Variants in LRRTM4 observed in about 807,000 individuals in gnomAD.
LRRTM4 encodes leucine rich repeat transmembrane neuronal 4.
LRRTM4 carries 25 observed loss-of-function variants against 47.6 expected under a neutral mutation model. The ratio of observed to expected loss-of-function variants is 0.53; its 90% confidence interval spans 0.38 to 0.73. LRRTM4 has a LOEUF of 0.73. Ranked by LOEUF, LRRTM4 falls within the 30% of genes least tolerant of loss-of-function variation. LRRTM4 has a pLI of 0.00. For missense variants in LRRTM4, 638 were observed against 713.4 expected (o/e 0.89, Z 1.20); for synonymous variants, 311 against 269.5 (o/e 1.15, Z -1.51).
intron 3 of LRRTM4, among the ~76,000 whole-genome samples, chr2:77,185,033 T>A (rs751934475): frequency 6.6e-6 from 1 of 152,156 alleles, no homozygotes; most frequent in Non-Finnish European, 1.5e-5. Flanking sequence ...CAGCCAGGAA[T>A]GAAAATCATG....
intron 3 of LRRTM4, among the ~76,000 whole-genome samples, chr2:76,770,191 T>A (rs1456733927): frequency 6.6e-6 from 1 of 152,216 alleles, no homozygotes; most frequent in Admixed American, 6.5e-5. Flanking sequence ...CAATGCCAAG[T>A]TTTAAAGGAT....
At chr2:76,784,582 A>G (rs934107870) in intron 3 of LRRTM4, among the ~76,000 whole-genome samples, 6 of 152,112 alleles carry the variant, frequency 3.9e-5, no homozygotes, top group African/African-American at 1.2e-4. Flanking sequence ...TTTTCAAACT[A>G]AAGTATCCTA....
chr2:77,400,967 A>C, intron 3 of LRRTM4, among the ~76,000 whole-genome samples: 1 of 151,984 alleles, frequency 6.6e-6, no homozygotes, highest in East Asian at 1.9e-4. Flanking sequence ...AGCGTCTATA[A>C]GTAAAATTTT....
intron 3 of LRRTM4, among the ~76,000 whole-genome samples, chr2:76,960,301 A>C (rs991888664): frequency 4.6e-5 from 7 of 151,552 alleles, no homozygotes; most frequent in African/African-American, 1.7e-4. Context: ...TTTGCACAGA[A>C]AACATAAAAC....
intron 3 of LRRTM4, among the ~76,000 whole-genome samples, chr2:76,893,478 T>G (rs541611838): frequency 6.6e-6 from 1 of 151,786 alleles, no homozygotes; most frequent in Admixed American, 6.6e-5. Flanking sequence ...CAAATGGCTC[T>G]AAATACAGAT....
intron 3 of LRRTM4, among the ~76,000 whole-genome samples, chr2:76,838,161 T>C (rs181862452): frequency 6.6e-6 from 1 of 151,970 alleles, no homozygotes; most frequent in Non-Finnish European, 1.5e-5. Flanking sequence ...ACTATTTATA[T>C]AAACAAGTCT....
intron 3 of LRRTM4, among the ~76,000 whole-genome samples, chr2:77,122,501 T>TAC (rs955476482): frequency 1.3e-5 from 2 of 149,948 alleles, no homozygotes; most frequent in African/African-American, 4.9e-5. Context: ...ATACTATATA[T>TAC]ACACACACAT....
chr2:77,391,663 G>A (rs1308619124), intron 3 of LRRTM4, among the ~76,000 whole-genome samples: 1 of 151,856 alleles, frequency 6.6e-6, no homozygotes, highest in East Asian at 2.0e-4. Context: ...CAACCCAAAT[G>A]TCCATTGCAA....
chr2:77,017,255 C>G (rs771380467), intron 3 of LRRTM4, among the ~76,000 whole-genome samples: 46 of 152,124 alleles, frequency 3.0e-4, no homozygotes, highest in Non-Finnish European at 8.8e-5. Context: ...CATCTTATCA[C>G]TTTAAGTAAT....
intron 3 of LRRTM4, among the ~76,000 whole-genome samples, chr2:77,017,561 C>A (rs1022725812): frequency 1.3e-5 from 2 of 152,140 alleles, no homozygotes; most frequent in East Asian, 1.9e-4. Flanking sequence ...ACATCTCTCA[C>A]GTGTTTGTGT....
intron 3 of LRRTM4, among the ~76,000 whole-genome samples, chr2:77,107,818 C>CAAAAAA (rs768875970): frequency 6.9e-5 from 4 of 57,848 alleles, no homozygotes; most frequent in South Asian, 6.3e-4. Context: ...AAATCCAACT[C>CAAAAAA]AAAAAAAAAA....
At chr2:77,493,439 A>G (rs964013866) in intron 3 of LRRTM4, among the ~76,000 whole-genome samples, 3 of 152,130 alleles carry the variant, frequency 2.0e-5, no homozygotes, top group Non-Finnish European at 4.4e-5. Flanking sequence ...TCAGTGTTTA[A>G]GAAAGGCATT....
intron 3 of LRRTM4, among the ~76,000 whole-genome samples, chr2:77,381,693 G>C (rs1179931066): frequency 2.0e-5 from 3 of 151,948 alleles, no homozygotes; most frequent in Non-Finnish European, 4.4e-5. Context: ...TTTGATGAAA[G>C]TTCAAGTTGT....
chr2:76,972,401 T>C (rs1676249859), intron 3 of LRRTM4, among the ~76,000 whole-genome samples: 1 of 150,134 alleles, frequency 6.7e-6, no homozygotes, highest in South Asian at 2.1e-4. Context: ...CATTCATTTA[T>C]TCATTGAACA....
intron 3 of LRRTM4, among the ~76,000 whole-genome samples, chr2:77,255,636 T>C (rs928712694): frequency 6.6e-6 from 1 of 151,990 alleles, no homozygotes; most frequent in Non-Finnish European, 1.5e-5. Flanking sequence ...AATCCACAAA[T>C]ATTTGGAAAT....
At chr2:77,255,713 C>T (rs1675747214) in intron 3 of LRRTM4, among the ~76,000 whole-genome samples, 1 of 151,910 alleles carries the variant, frequency 6.6e-6, no homozygotes, top group Non-Finnish European at 1.5e-5. Flanking sequence ...AAAAATAATA[C>T]ATTTAACTGA....
chr2:77,256,441 G>C (rs891105513), intron 3 of LRRTM4, among the ~76,000 whole-genome samples: 3 of 152,156 alleles, frequency 2.0e-5, no homozygotes, highest in African/African-American at 7.2e-5. Context: ...ATCTCATCTT[G>C]AGTTGTAGCT....
intron 3 of LRRTM4, among the ~76,000 whole-genome samples, chr2:76,871,487 T>C (rs1171375791): frequency 1.3e-5 from 2 of 152,162 alleles, no homozygotes; most frequent in Admixed American, 6.5e-5. Context: ...ATCGCCTGTA[T>C]TGAATTGAAA....
intron 3 of LRRTM4, among the ~76,000 whole-genome samples, chr2:76,974,643 C>T (rs1295196214): frequency 6.6e-6 from 1 of 151,436 alleles, no homozygotes; most frequent in African/African-American, 2.4e-5. Flanking sequence ...CATATCACTA[C>T]AAAGGATATA....
Sources: allele counts gnomAD v4.1 joint callset (sites outside exome capture counted in the v4.1 genomes callset), GRCh38; gene constraint gnomAD v4.1.1; transcripts MANE v1.5; gene names NCBI Gene and HGNC (gene_info 2026-07-23, HGNC 2026-07-21).